ARB2A: variants seen among roughly 807,000 people sequenced by gnomAD.
The protein encoded by ARB2A is cotranscriptional regulator ARB2A.
the ARB2A span, chr5:93,784,328 A>T: frequency 6.3e-6 from 8 of 1,279,870 alleles, no homozygotes; most frequent in East Asian, 1.9e-4. Context: ...GTGGGGGCTC[A>T]AGATATAAAG....
chr5:93,896,037 TAAAGAA>T, the ARB2A span, among the ~76,000 whole-genome samples: 1 of 151,974 alleles, frequency 6.6e-6, no homozygotes, highest in Non-Finnish European at 1.5e-5. Flanking sequence ...AATATTTTCA[TAAAGAA>T]AAAGTGTTTA....
At chr5:93,793,217 C>T in the ARB2A span, among the ~76,000 whole-genome samples, 1 of 147,656 alleles carries the variant, frequency 6.8e-6, no homozygotes, top group East Asian at 2.0e-4. Context: ...CAACTACAGG[C>T]GTACACCAAC....
the ARB2A span, chr5:93,738,390 T>C: frequency 6.6e-6 from 1 of 152,468 alleles, no homozygotes; most frequent in African/African-American, 2.4e-5. Flanking sequence ...AGTTTGGTAG[T>C]TTCCCAAAAA....
At chr5:93,790,638 C>A in the ARB2A span, among the ~76,000 whole-genome samples, 4 of 152,188 alleles carry the variant, frequency 2.6e-5, no homozygotes, top group East Asian at 7.7e-4. Context: ...ACCAGTGAAC[C>A]CTTTCAGAAT....
the ARB2A span, among the ~76,000 whole-genome samples, chr5:93,919,186 T>C: frequency 9.7e-4 from 148 of 152,270 alleles, no homozygotes; most frequent in Admixed American, 1.8e-3. Context: ...TTCAATCACA[T>C]ATATTGTTGG....
chr5:93,786,192 A>G, the ARB2A span, among the ~76,000 whole-genome samples: 4 of 152,368 alleles, frequency 2.6e-5, no homozygotes, highest in Non-Finnish European at 5.9e-5. Context: ...TTAAGACAGC[A>G]TCTGAAGACA....
chr5:93,684,881 C>T, the ARB2A span, among the ~76,000 whole-genome samples: 1 of 152,172 alleles, frequency 6.6e-6, no homozygotes, highest in African/African-American at 2.4e-5. Flanking sequence ...TATTTAACTA[C>T]TTTATCTTAA....
chr5:93,662,472 G>C, the ARB2A span, among the ~76,000 whole-genome samples: 22 of 152,226 alleles, frequency 1.4e-4, no homozygotes, highest in African/African-American at 5.3e-4. Context: ...GATGCGTTAA[G>C]ATATATCTTA....
the ARB2A span, chr5:93,734,330 A>G: frequency 6.6e-6 from 1 of 152,172 alleles, no homozygotes; most frequent in Non-Finnish European, 1.5e-5. Context: ...TTCAAAGAAA[A>G]CCAGAAATTA....
the ARB2A span, among the ~76,000 whole-genome samples, chr5:93,906,549 G>A: frequency 6.6e-6 from 1 of 151,400 alleles, no homozygotes; most frequent in Non-Finnish European, 1.5e-5. Context: ...CAAATATTGA[G>A]TGTCACAAAT....
At chr5:93,770,731 G>C in the ARB2A span, among the ~76,000 whole-genome samples, 61 of 152,166 alleles carry the variant, frequency 4.0e-4, 1 homozygote, top group African/African-American at 9.2e-4. Context: ...AAATACCTAG[G>C]AATCCAACTT....
chr5:93,885,879 C>A, the ARB2A span, among the ~76,000 whole-genome samples: 1 of 151,704 alleles, frequency 6.6e-6, no homozygotes, highest in South Asian at 2.1e-4. Flanking sequence ...ACTTTGAAGT[C>A]TGTAGATGCA....
chr5:94,077,868 C>T, the ARB2A span, among the ~76,000 whole-genome samples: 1 of 152,144 alleles, frequency 6.6e-6, no homozygotes, highest in Admixed American at 6.5e-5. Flanking sequence ...TCTCAGTTTG[C>T]CATTTTATTC....
the ARB2A span, among the ~76,000 whole-genome samples, chr5:94,047,603 T>C: frequency 1.3e-5 from 2 of 152,074 alleles, no homozygotes; most frequent in Non-Finnish European, 2.9e-5. Context: ...ATGTAGATAA[T>C]ACAGAATATG....
the ARB2A span, among the ~76,000 whole-genome samples, chr5:93,926,441 C>T: frequency 2.0e-5 from 3 of 151,956 alleles, no homozygotes; most frequent in South Asian, 6.2e-4. Context: ...CCTATATTTC[C>T]AATTCTTAAG....
chr5:93,627,943 T>C, the ARB2A span, among the ~76,000 whole-genome samples: 2 of 151,924 alleles, frequency 1.3e-5, no homozygotes, highest in African/African-American at 4.8e-5. Flanking sequence ...GAGCAGTAGG[T>C]CTCAACAGTG....
the ARB2A span, among the ~76,000 whole-genome samples, chr5:93,778,688 A>T: frequency 3.0e-4 from 45 of 152,290 alleles, no homozygotes; most frequent in East Asian, 8.1e-3. Context: ...AAAGTCAGCT[A>T]TTAACCAGGT....
chr5:93,808,691 C>T, the ARB2A span, among the ~76,000 whole-genome samples: 1 of 151,844 alleles, frequency 6.6e-6, no homozygotes, highest in Non-Finnish European at 1.5e-5. Context: ...GCTCTCTATC[C>T]CTGTCAAAGG....
chr5:93,686,480 T>C, the ARB2A span, among the ~76,000 whole-genome samples: 4 of 152,214 alleles, frequency 2.6e-5, no homozygotes, highest in Non-Finnish European at 5.9e-5. Context: ...CACAACCTCC[T>C]ATCTTTTTAA....
Sources: gnomAD v4.1 joint callset for allele counts (sites outside exome capture counted in the v4.1 genomes callset) on GRCh38, gnomAD v4.1.1 for gene constraint, MANE v1.5 for transcripts, NCBI Gene and HGNC (gene_info 2026-07-23, HGNC 2026-07-21) for gene names.